The following CLASP2 variants were observed in gnomAD, a reference collection of about 807,000 sequenced individuals.
The protein encoded by CLASP2 is cytoplasmic linker associated protein 2.
CLASP2 carries 47 observed loss-of-function variants against 194.4 expected under a neutral mutation model. The observed-to-expected ratio is 0.24, with a 90% CI of 0.19 to 0.31. CLASP2 has a LOEUF of 0.31. Ranked by LOEUF, CLASP2 falls within the 10% of genes least tolerant of loss-of-function variation. CLASP2 has a pLI of 1.00. For synonymous variants in CLASP2, 619 were observed against 633.5 expected (o/e 0.98, Z 0.34); for missense variants, 1,445 against 1,823.6 (o/e 0.79, Z 3.78).
At chr3:33,650,201 T>C (rs1000637102) in intron 7 of CLASP2, among the ~76,000 whole-genome samples, 15 of 152,162 alleles carry the variant, frequency 9.9e-5, no homozygotes, top group Non-Finnish European at 1.6e-4. Flanking sequence ...AATAAAAATA[T>C]AGTAACTGAA....
At position 33,717,907 on chromosome 3, in the gene CLASP2, A is replaced by G; in HGVS notation, c.96T>C (p.Leu32=). ...LQVGQELLLY[L]GAPGAISDLE... is the part of the protein sequence containing the mutation. ...GGTCCGAGATGGCGCCGGGGGCGCC[A>G]AGGTAGAGCAGGAGCTCCTGGCCGA... Residue 32 remains leucine, a synonymous_variant, in exon 1 of 39, where the codon CTT becomes CTC. Coordinates refer to ENST00000682230, the MANE Select transcript of CLASP2 (RefSeq NM_001365631.1). 1 of 1,553,982 alleles carries G rather than the reference A, an allele frequency of 6.4e-7. No individual in the cohort carries two copies. The highest frequency in any genetic ancestry group is 8.7e-7 in the Non-Finnish European group (1 of 1,149,456).
chr3:33,698,879 A>G (rs976644138), intron 1 of CLASP2, among the ~76,000 whole-genome samples: 1 of 152,220 alleles, frequency 6.6e-6, no homozygotes, highest in Non-Finnish European at 1.5e-5. Flanking sequence ...AATATCAAGA[A>G]TAAAGCATGG....
At chr3:33,576,473 T>C (rs1031200829) in intron 23 of CLASP2, 198 bp from the exon 24 acceptor site, 5 of 524,970 alleles carry the variant, frequency 9.5e-6, no homozygotes, top group South Asian at 5.1e-5. Context: ...TTACTGACAA[T>C]GTGTGAAAAA....
rs1165453328 is a variant in CLASP2, at chr3:33,497,768, T to G, written c.*863A>C. 1 of 152,488 alleles carries G rather than the reference T, an allele frequency of 6.6e-6. No homozygotes were observed. Among genetic ancestry groups the G allele is most frequent in the East Asian group, 1.9e-4 (1 of 5,200 alleles). The allele number at this position is 152,488 out of a possible 1,614,324, so 9.4% of individuals were successfully genotyped here. A position where few individuals can be genotyped will look rare whatever the true frequency, so the allele number is the denominator to read the frequency against. ...ACACGCACTTGATTTTTTTTGTCCG[T>G]TTCCATTATCAAGTTTATTCATAAG... On this transcript the variant is annotated 3_prime_UTR_variant, in exon 39 of 39. Coordinates refer to ENST00000682230, the MANE Select transcript of CLASP2 (RefSeq NM_001365631.1).
rs1466850896 is a variant in CLASP2, at chr3:33,572,787, CCAGT to C, written c.2699+319_2699+322del. Among the ~76,000 whole-genome samples, 65 of 151,884 alleles carry C rather than the reference CCAGT, an allele frequency of 4.3e-4. No individual in the cohort carries two copies. The South Asian group carries it at 5.4e-3, about 13-fold the overall frequency. The stretch of plus-strand genomic sequence containing the variant: ...CTTACCAGAAATAAATTTTAATAAA[CCAGT>C]CAGTTTTATCACTATGTACTTTTTA... On this transcript the variant is annotated intron_variant, in intron 25 of 38. Transcript: ENST00000682230.
rs111866981 is a variant in CLASP2 at position 33,529,747 on chromosome 3, C to A, written c.3787+5486G>T. The stretch of plus-strand genomic sequence containing the variant: ...CTGTAATCCCAGCACTTTGGGAGGC[C>A]GAGGCGGGTGGATCATGAGGTCAGG... On this transcript the variant is annotated intron_variant, in intron 34 of 38. Coordinates refer to ENST00000682230, the MANE Select transcript of CLASP2 (RefSeq NM_001365631.1). Among the ~76,000 whole-genome samples the A allele has an allele frequency of 9.8e-3, 1,489 of 151,592 alleles. 13 individuals carry two copies. Among genetic ancestry groups the A allele is most frequent in the South Asian group, 0.028 (132 of 4,792 alleles).
Position 33,688,264 on chromosome 3 carries a change from T to C in CLASP2, c.470+13A>G, listed in dbSNP as rs774849411. On this transcript the variant is annotated intron_variant, in intron 4 of 38. Coordinates refer to ENST00000682230, the MANE Select transcript of CLASP2 (RefSeq NM_001365631.1). ...AAAACAAGACAGTTATTTTCAGTAA[T>C]CATAAAACTTACATGTTTAAGGTTT... 7 of 1,524,746 alleles carry C rather than the reference T, an allele frequency of 4.6e-6. No homozygotes were observed. The highest frequency in any genetic ancestry group is 1.8e-6 in the Non-Finnish European group (2 of 1,135,890). The allele number at this position is 1,524,746 out of a possible 1,614,324, so 94.5% of individuals were successfully genotyped here. A position where few individuals can be genotyped will look rare whatever the true frequency, so the allele number is the denominator to read the frequency against.
Position 33,687,470 on chromosome 3 carries a change from A to G in CLASP2, c.471-335T>C, listed in dbSNP as rs2090822879. On this transcript the variant is annotated intron_variant, in intron 4 of 38. Transcript: ENST00000682230. Reference sequence around the variant, plus strand: ...GAAAATCAGAGTTTTCACTTTTAAAATTGTGATTTTTTTAGACTCTGGTCT... The same window carrying G: ...GAAAATCAGAGTTTTCACTTTTAAAGTTGTGATTTTTTTAGACTCTGGTCT... Among the ~76,000 whole-genome samples the G allele has an allele frequency of 2.0e-5, 3 of 152,224 alleles. No homozygotes were observed. The South Asian group carries it at 6.2e-4, about 31-fold the overall frequency.
chr3:33,687,121 G>A lies in CLASP2; in HGVS notation c.485C>T (p.Pro162Leu). ...IETLNIFGAQ[P>L]LVISKLIPHL... Reference sequence around the variant, plus strand: ...TGGTATCAATTTGCTGATGACTAGTGGCTGAGCCCCAAAACTAAATATAAT... The same window carrying A: ...TGGTATCAATTTGCTGATGACTAGTAGCTGAGCCCCAAAACTAAATATAAT... The change falls in exon 5 of 39, where the codon CCA becomes CTA. Residue 162 changes from proline to leucine, a missense_variant. By Grantham distance (98) the Pro-to-Leu change is moderately conservative. This residue lies in a region of CLASP2 where 332 missense variants were observed against 325.3 expected (regional missense o/e 1.02). Coordinates refer to ENST00000682230, the MANE Select transcript of CLASP2 (RefSeq NM_001365631.1). 1 of 1,595,238 alleles carries A rather than the reference G, an allele frequency of 6.3e-7. No homozygotes were observed. The highest frequency in any genetic ancestry group is 1.1e-5 in the South Asian group (1 of 87,490).
chr3:33,570,622 T>C, intron 26 of CLASP2, 105 bp downstream of exon 26: 1 of 1,329,354 alleles, frequency 7.5e-7, no homozygotes, highest in Non-Finnish European at 1.0e-6. Flanking sequence ...AAAATATTAC[T>C]GCCATTTTGG....
chr3:33,502,560 T>G (rs539572128), intron 37 of CLASP2: 1 of 152,364 alleles, frequency 6.6e-6, no homozygotes, highest in South Asian at 2.1e-4. Flanking sequence ...TTGTACCTTT[T>G]GACCAACATC....
At chr3:33,548,500 T>C (rs1203725579) in intron 30 of CLASP2, among the ~76,000 whole-genome samples, 1 of 152,048 alleles carries the variant, frequency 6.6e-6, no homozygotes, top group African/African-American at 2.4e-5. Context: ...GGTTTCACCA[T>C]GTTAGCCAGG....
rs140627432 is a variant in CLASP2 at position 33,576,157 on chromosome 3, G to A, written c.2454+12C>T. ...GGAACATTTATAATGATAAGAAAAT[G>A]GAGAAGAGTACCAAGGCATCTGCCA... On this transcript the variant is annotated intron_variant, in intron 24 of 38. Transcript: ENST00000682230. The A allele has an allele frequency of 6.3e-7, 1 of 1,598,456 alleles. No individual in the cohort carries two copies. Among genetic ancestry groups the A allele is most frequent in the African/African-American group, 1.3e-5 (1 of 74,686 alleles).
intron 29 of CLASP2, among the ~76,000 whole-genome samples, chr3:33,554,022 G>A (rs1475541450): frequency 6.6e-6 from 1 of 152,132 alleles, no homozygotes; most frequent in Non-Finnish European, 1.5e-5. Context: ...ATGTCAGGAA[G>A]TCAAGGCCAG....
chr3:33,544,657 C>T (rs374232011), intron 31 of CLASP2, 41 bp downstream of exon 31: 2 of 1,549,478 alleles, frequency 1.3e-6, no homozygotes, highest in Non-Finnish European at 1.7e-6. Context: ...TTAAATCAAC[C>T]ATCACATTAT....
intron 6 of CLASP2, among the ~76,000 whole-genome samples, chr3:33,671,317 T>A (rs1351507339): frequency 6.6e-6 from 1 of 151,808 alleles, no homozygotes. Flanking sequence ...ACCTGATACA[T>A]CATGTCCAAC....
chr3:33,604,177 T>C lies in CLASP2; in HGVS notation c.1727A>G (p.Asn576Ser), dbSNP rs770462470. The C allele has an allele frequency of 2.6e-6, 4 of 1,560,752 alleles. No individual in the cohort carries two copies. The highest frequency in any genetic ancestry group is 3.5e-6 in the Non-Finnish European group (4 of 1,151,364). ...ACCTCTTCCAGCCACAGTTGATGGA[T>C]TTGCTGTAGACCATTTGGAAGAAAA... The part of the protein sequence containing the change: ...RPFSSKWSTA[N>S]PSTVAGRVSA... The change falls in exon 17 of 39, where the codon AAT (asparagine) becomes AGT (serine). Residue 576 changes from asparagine (N) to serine (S), a missense_variant. By Grantham distance (46) the Asn-to-Ser change is conservative (BLOSUM62 1). Around this residue, in one of 4 missense-constraint regions of CLASP2, gnomAD observed 174 missense variants for 179.0 expected, o/e 0.97. Coordinates refer to ENST00000682230, the MANE Select transcript of CLASP2 (RefSeq NM_001365631.1).
chr3:33,587,541 A>G (rs1470350530), intron 21 of CLASP2, among the ~76,000 whole-genome samples: 3 of 152,230 alleles, frequency 2.0e-5, no homozygotes, highest in Non-Finnish European at 2.9e-5. Context: ...TATTAGTGAT[A>G]ACAATATTGT....
chr3:33,604,453 G>C (rs1577076168), intron 16 of CLASP2, among the ~76,000 whole-genome samples: 1 of 151,554 alleles, frequency 6.6e-6, no homozygotes, highest in Non-Finnish European at 1.5e-5. Flanking sequence ...AAGTTACCTG[G>C]GACTATATGT....
Sources: allele counts gnomAD v4.1 joint callset (sites outside exome capture counted in the v4.1 genomes callset), GRCh38; gene constraint gnomAD v4.1.1; regional missense constraint gnomAD v4.1.1; transcripts MANE v1.5; gene names NCBI Gene and HGNC (gene_info 2026-07-23, HGNC 2026-07-21).